The following GNAI3 variants were observed in gnomAD, a reference collection of about 807,000 sequenced individuals.
GNAI3 encodes the protein G protein subunit alpha i3.
GNAI3 carries 12 observed loss-of-function variants against 41.8 expected under a neutral mutation model. That is an observed-to-expected ratio of 0.29 (90% confidence interval 0.18 to 0.47). The LOEUF (loss-of-function observed/expected upper bound fraction) is 0.47. Among genes scored for constraint, GNAI3 ranks in the 20% least tolerant of loss-of-function variants. GNAI3 has a pLI of 1.00. For missense variants in GNAI3, 360 were observed against 429.6 expected (o/e 0.84, Z 1.43); for synonymous variants, 132 against 146.5 (o/e 0.90, Z 0.71).
At chr1:109,557,814 A>G (rs1438662150) in intron 1 of GNAI3, among the ~76,000 whole-genome samples, 1 of 152,102 alleles carries the variant, frequency 6.6e-6, no homozygotes, top group Non-Finnish European at 1.5e-5. Flanking sequence ...TGCCAACCAC[A>G]ATCCAGTCAT....
At chr1:109,567,555 T>G (rs1158397484) in intron 1 of GNAI3, among the ~76,000 whole-genome samples, 1 of 152,234 alleles carries the variant, frequency 6.6e-6, no homozygotes, top group Non-Finnish European at 1.5e-5. Flanking sequence ...TATTATAGTT[T>G]GCTGTAACTT....
At chr1:109,576,042 C>A (rs1648732453) in intron 3 of GNAI3, among the ~76,000 whole-genome samples, 1 of 151,984 alleles carries the variant, frequency 6.6e-6, no homozygotes, top group Admixed American at 6.6e-5. Context: ...ATGTTTATAG[C>A]TCCTCTCTTA....
chr1:109,558,810 C>T (rs1648228506), intron 1 of GNAI3, among the ~76,000 whole-genome samples: 1 of 151,942 alleles, frequency 6.6e-6, no homozygotes, highest in Admixed American at 6.6e-5. Context: ...TTTGTTTTTA[C>T]CTTTAGTTTA....
At chr1:109,591,887 A>G (rs750144489) in intron 7 of GNAI3, among the ~76,000 whole-genome samples, 156 bp from the exon 8 acceptor site, 1 of 152,214 alleles carries the variant, frequency 6.6e-6, no homozygotes, top group Non-Finnish European at 1.5e-5. Flanking sequence ...CGAAGAACCT[A>G]ATTATAGAAA....
chr1:109,586,294 C>G lies in GNAI3; in HGVS notation c.669C>G (p.Phe223Leu), dbSNP rs755852446. ...HCFEGVTAIIFCVALSDYDLV... is the reference protein window; with the variant it reads ...HCFEGVTAIILCVALSDYDLV... ...TTGAGGGAGTGACAGCAATTATCTT[C>G]TGTGTGGCCCTCAGTGATTATGACC... Residue 223 changes from phenylalanine (F) to leucine (L), a missense_variant, in exon 6 of 9, where the codon TTC becomes TTG. Coordinates refer to ENST00000369851, the MANE Select transcript of GNAI3 (RefSeq NM_006496.4). 1.2e-6 allele frequency: 2 copies of G among 1,613,346 alleles called. No individual in the cohort carries two copies. The highest frequency in any genetic ancestry group is 1.7e-6 in the Non-Finnish European group (2 of 1,179,390).
chr1:109,580,268 G>T (rs1325105669), intron 4 of GNAI3, among the ~76,000 whole-genome samples: 1 of 152,122 alleles, frequency 6.6e-6, no homozygotes, highest in African/African-American at 2.4e-5. Context: ...AAAGTGCTGG[G>T]ATTACAGGCG....
At position 109,592,827 on chromosome 1, in the gene GNAI3, T is replaced by C. The variant is rs1649204207; in HGVS notation, c.*505T>C. 6.5e-6 allele frequency: 1 copy of C among 152,672 alleles called. No homozygotes were observed. The highest frequency in any genetic ancestry group is 6.5e-5 in the Admixed American group (1 of 15,288). The allele number at this position is 152,672 out of a possible 1,614,324, so 9.5% of individuals were successfully genotyped here. A position where few individuals can be genotyped will look rare whatever the true frequency, so the allele number is the denominator to read the frequency against. On this transcript the variant is annotated 3_prime_UTR_variant, in exon 9 of 9. Transcript: ENST00000369851. The stretch of plus-strand genomic sequence containing the variant: ...AATATTCCTCTTTAGTAGGAACTCT[T>C]TGTTTTTAACTCTTGGTATGGTCAG...
chr1:109,568,394 G>A (rs567063965), intron 1 of GNAI3, among the ~76,000 whole-genome samples: 2 of 152,090 alleles, frequency 1.3e-5, no homozygotes, highest in Non-Finnish European at 2.9e-5. Context: ...AAATTAGCCA[G>A]GCATGGTGGT....
chr1:109,593,113 A>AC lies in GNAI3; in HGVS notation c.*794dup, dbSNP rs1298150285. On this transcript the variant is annotated 3_prime_UTR_variant, in exon 9 of 9. Transcript: ENST00000369851. The stretch of plus-strand genomic sequence containing the variant: ...AAGTCAGCTTCTTGGATACAGACAC[A>AC]CCCAGGGCAGCTGCCAATCAGAAAT... 1 of 152,594 alleles carries AC rather than the reference A, an allele frequency of 6.6e-6. No homozygotes were observed. Among genetic ancestry groups the AC allele is most frequent in the Non-Finnish European group, 1.5e-5 (1 of 68,044 alleles). 9.5% of individuals were successfully genotyped at this position (152,594 alleles called of 1,614,324 possible). A position where few individuals can be genotyped will look rare whatever the true frequency, so the allele number is the denominator to read the frequency against.
At chr1:109,549,679 C>T (rs1266633692) in intron 1 of GNAI3, among the ~76,000 whole-genome samples, 4 of 152,138 alleles carry the variant, frequency 2.6e-5, no homozygotes, top group Non-Finnish European at 5.9e-5. Context: ...GGAATAGTTA[C>T]CTTAGGATAA....
intron 5 of GNAI3, among the ~76,000 whole-genome samples, chr1:109,584,143 A>G (rs1048001813): frequency 2.0e-5 from 3 of 152,178 alleles, no homozygotes. Flanking sequence ...TCTGAAAACA[A>G]CTGTTCCACA....
intron 1 of GNAI3, among the ~76,000 whole-genome samples, chr1:109,554,315 C>T (rs1321471134): frequency 1.3e-5 from 2 of 152,140 alleles, no homozygotes; most frequent in Non-Finnish European, 2.9e-5. Flanking sequence ...CACTGTTTCC[C>T]ATAGTGGTTG....
intron 5 of GNAI3, among the ~76,000 whole-genome samples, chr1:109,584,487 A>G (rs1036737563): frequency 9.9e-5 from 15 of 152,228 alleles, no homozygotes; most frequent in Admixed American, 9.2e-4. Flanking sequence ...TAGTTAGGCA[A>G]ATCCTAACTG....
At chr1:109,576,195 A>G (rs913441417) in intron 3 of GNAI3, among the ~76,000 whole-genome samples, 6 of 151,816 alleles carry the variant, frequency 4.0e-5, no homozygotes, top group Non-Finnish European at 7.4e-5. Flanking sequence ...CAGCCTCCCA[A>G]GGAGCTGGGA....
At chr1:109,583,268 A>T (rs1648941990) in intron 5 of GNAI3, among the ~76,000 whole-genome samples, 2 of 152,152 alleles carry the variant, frequency 1.3e-5, no homozygotes, top group Admixed American at 1.3e-4. Flanking sequence ...AGAGTGGAGT[A>T]GTGTGATCAC....
chr1:109,585,398 G>T (rs1649009876), intron 5 of GNAI3, among the ~76,000 whole-genome samples: 1 of 152,190 alleles, frequency 6.6e-6, no homozygotes, highest in Non-Finnish European at 1.5e-5. Context: ...TTTGTGAACA[G>T]TTGAGACTTT....
chr1:109,548,861 T>G (rs1162384708), intron 1 of GNAI3, 23 bp downstream of exon 1: 2 of 1,471,588 alleles, frequency 1.4e-6, no homozygotes, highest in African/African-American at 2.8e-5. Context: ...AGGCGGGGAC[T>G]GAGTGGTGGT....
chr1:109,581,822 G>A (rs1236367009), intron 4 of GNAI3, among the ~76,000 whole-genome samples: 1 of 152,006 alleles, frequency 6.6e-6, no homozygotes, highest in African/African-American at 2.4e-5. Flanking sequence ...CCAGGAGGCG[G>A]AAGTTGCAGT....
intron 7 of GNAI3, among the ~76,000 whole-genome samples, chr1:109,588,886 C>CATCA (rs145424289): frequency 0.068 from 10,364 of 151,520 alleles, 1,027 homozygotes; most frequent in African/African-American, 0.22. Flanking sequence ...AGTGAGACTC[C>CATCA]ATCAATCAAT....
Sources: gnomAD v4.1 joint callset for allele counts (sites outside exome capture counted in the v4.1 genomes callset) on GRCh38, gnomAD v4.1.1 for gene constraint, MANE v1.5 for transcripts, NCBI Gene and HGNC (gene_info 2026-07-23, HGNC 2026-07-21) for gene names.